NKAIN2: variants seen among roughly 807,000 people sequenced by gnomAD.
NKAIN2 encodes the protein sodium/potassium-transporting ATPase subunit beta-1-interacting protein 2.
Under a neutral mutation model 32.6 loss-of-function variants are expected in NKAIN2, and 14 were observed. That is an observed-to-expected ratio of 0.43 (90% CI 0.28 to 0.67). The LOEUF (loss-of-function observed/expected upper bound fraction) is 0.67, where lower values mean the gene tolerates loss of function less well. Ranked by LOEUF, NKAIN2 falls within the 30% of genes least tolerant of loss-of-function variation. The pLI is 0.17. For synonymous variants in NKAIN2, 80 were observed against 87.2 expected (o/e 0.92, Z 0.46); for missense variants, 198 against 258.3 (o/e 0.77, Z 1.60).
intron 2 of NKAIN2, among the ~76,000 whole-genome samples, chr6:124,349,560 T>C (rs777876279): frequency 6.6e-6 from 1 of 152,208 alleles, no homozygotes; most frequent in Non-Finnish European, 1.5e-5. Context: ...AGTTATATTC[T>C]GTAATATTTC....
chr6:124,670,064 A>G (rs1251357017), intron 4 of NKAIN2, among the ~76,000 whole-genome samples: 1 of 152,136 alleles, frequency 6.6e-6, no homozygotes, highest in Non-Finnish European at 1.5e-5. Flanking sequence ...GCCATTTGAA[A>G]GTAATGGCAA....
intron 1 of NKAIN2, among the ~76,000 whole-genome samples, chr6:123,910,104 C>T (rs1775097028): frequency 1.3e-5 from 2 of 152,104 alleles, no homozygotes; most frequent in African/African-American, 4.8e-5. Flanking sequence ...ATTAGAGAGT[C>T]ACATATCTTA....
chr6:124,188,923 A>T (rs750650122), intron 1 of NKAIN2, among the ~76,000 whole-genome samples: 15 of 152,234 alleles, frequency 9.9e-5, no homozygotes, highest in Admixed American at 3.3e-4. Flanking sequence ...CAGCTTGATT[A>T]GGGGAAACAT....
intron 1 of NKAIN2, among the ~76,000 whole-genome samples, chr6:124,097,318 C>T (rs527849699): frequency 1.3e-4 from 19 of 150,934 alleles, no homozygotes; most frequent in Non-Finnish European, 1.8e-4. Context: ...GCGGGAGAAT[C>T]GCTTGAACCT....
chr6:124,468,509 T>C (rs2114666552), intron 3 of NKAIN2, among the ~76,000 whole-genome samples: 1 of 152,312 alleles, frequency 6.6e-6, no homozygotes, highest in Middle Eastern at 3.4e-3. Flanking sequence ...AAAGTGGCTT[T>C]ACCTAAATTG....
At chr6:124,762,578 G>A (rs1031620310) in intron 4 of NKAIN2, among the ~76,000 whole-genome samples, 3 of 152,110 alleles carry the variant, frequency 2.0e-5, no homozygotes, top group East Asian at 3.9e-4. Flanking sequence ...TACAATACAC[G>A]ATGCTTTTTG....
intron 1 of NKAIN2, among the ~76,000 whole-genome samples, chr6:124,144,349 T>A (rs1395704297): frequency 2.0e-5 from 3 of 152,178 alleles, no homozygotes; most frequent in Non-Finnish European, 4.4e-5. Flanking sequence ...AGTGGTAATG[T>A]CATCCATGAA....
At chr6:124,625,539 TATG>T (rs1437233195) in intron 3 of NKAIN2, among the ~76,000 whole-genome samples, 1 of 152,242 alleles carries the variant, frequency 6.6e-6, no homozygotes, top group South Asian at 2.1e-4. Flanking sequence ...TAGCAATTAG[TATG>T]ATAATAATAA....
intron 1 of NKAIN2, among the ~76,000 whole-genome samples, chr6:124,141,996 C>T (rs1057095063): frequency 7.9e-5 from 12 of 152,150 alleles, no homozygotes; most frequent in African/African-American, 2.9e-4. Flanking sequence ...AAAATAATTT[C>T]CCATCCCATA....
chr6:124,295,245 A>G (rs1382673255), intron 2 of NKAIN2, among the ~76,000 whole-genome samples: 1 of 152,182 alleles, frequency 6.6e-6, no homozygotes, highest in Admixed American at 6.6e-5. Flanking sequence ...ATAATTTGGC[A>G]TAGTTTTCAT....
chr6:124,628,401 C>G (rs1783438246), intron 3 of NKAIN2, among the ~76,000 whole-genome samples: 1 of 152,038 alleles, frequency 6.6e-6, no homozygotes, highest in Non-Finnish European at 1.5e-5. Flanking sequence ...TTTCATCCCC[C>G]ACAATGATTG....
chr6:124,727,738 C>A (rs1776406927), intron 4 of NKAIN2, among the ~76,000 whole-genome samples: 1 of 145,192 alleles, frequency 6.9e-6, no homozygotes, highest in African/African-American at 2.6e-5. Flanking sequence ...GGGCTAAATG[C>A]TCCAATTAAA....
intron 1 of NKAIN2, among the ~76,000 whole-genome samples, chr6:123,934,977 TA>T (rs1008913676): frequency 6.7e-6 from 1 of 150,078 alleles, no homozygotes; most frequent in African/African-American, 2.4e-5. Context: ...CTTCAATGAA[TA>T]AAAAGGTAAC....
chr6:124,061,409 A>G (rs1022634449), intron 1 of NKAIN2, among the ~76,000 whole-genome samples: 1 of 152,170 alleles, frequency 6.6e-6, no homozygotes, highest in African/African-American at 2.4e-5. Context: ...TTTCTCAAAA[A>G]GTCTTCAATT....
At chr6:123,819,916 T>C (rs554190479) in intron 1 of NKAIN2, among the ~76,000 whole-genome samples, 10 of 152,226 alleles carry the variant, frequency 6.6e-5, no homozygotes, top group African/African-American at 2.4e-4. Context: ...TTTCTTAAAA[T>C]AGAGGAACGA....
At chr6:124,755,125 C>G (rs138839039) in intron 4 of NKAIN2, among the ~76,000 whole-genome samples, 1 of 152,256 alleles carries the variant, frequency 6.6e-6, no homozygotes, top group Non-Finnish European at 1.5e-5. Flanking sequence ...GGGAAGCCAA[C>G]AGTGCGGCCT....
intron 1 of NKAIN2, among the ~76,000 whole-genome samples, chr6:124,222,376 A>T (rs1791880455): frequency 6.6e-6 from 1 of 152,234 alleles, no homozygotes; most frequent in African/African-American, 2.4e-5. Context: ...TTACATAAAG[A>T]TATAAATAAT....
intron 2 of NKAIN2, among the ~76,000 whole-genome samples, chr6:124,330,712 C>G (rs1207110286): frequency 1.3e-5 from 2 of 152,168 alleles, no homozygotes; most frequent in Non-Finnish European, 2.9e-5. Flanking sequence ...AGGTCCCCAA[C>G]CCCGGGGCTA....
chr6:124,470,126 G>T (rs1012068298), intron 3 of NKAIN2, among the ~76,000 whole-genome samples: 1 of 152,070 alleles, frequency 6.6e-6, no homozygotes, highest in African/African-American at 2.4e-5. Flanking sequence ...GTTCCTAGTA[G>T]AAAAACAGCA....
Sources: gnomAD v4.1 joint callset for allele counts (sites outside exome capture counted in the v4.1 genomes callset) on GRCh38, gnomAD v4.1.1 for gene constraint, MANE v1.5 for transcripts, NCBI Gene and HGNC (gene_info 2026-07-23, HGNC 2026-07-21) for gene names.